Variants in BNC2 observed in about 807,000 individuals in gnomAD.
The protein encoded by BNC2 is zinc finger protein basonuclin-2.
BNC2 carries 20 observed loss-of-function variants against 76.3 expected under a neutral mutation model. The observed-to-expected ratio is 0.26, with a 90% CI of 0.18 to 0.38. The LOEUF (loss-of-function observed/expected upper bound fraction) is 0.38. Among genes scored for constraint, BNC2 ranks in the 10% least tolerant of loss-of-function variants. The pLI is 1.00. For missense variants in BNC2, 1,382 were observed against 1,399.8 expected (o/e 0.99, Z 0.20); for synonymous variants, 582 against 514.8 (o/e 1.13, Z -1.77).
At chr9:16,692,273 GC>G (rs1823196031) in intron 3 of BNC2, among the ~76,000 whole-genome samples, 1 of 152,138 alleles carries the variant, frequency 6.6e-6, no homozygotes, top group Non-Finnish European at 1.5e-5. Context: ...TTTCAAGTAT[GC>G]CACACCCAGG....
At chr9:16,659,028 T>G (rs899004179) in intron 3 of BNC2, among the ~76,000 whole-genome samples, 1 of 152,176 alleles carries the variant, frequency 6.6e-6, no homozygotes, top group African/African-American at 2.4e-5. Context: ...AAGCATGAAT[T>G]CATTTGAGAG....
At chr9:16,811,755 A>C (rs1293607378) in intron 1 of BNC2, among the ~76,000 whole-genome samples, 1 of 152,258 alleles carries the variant, frequency 6.6e-6, no homozygotes, top group African/African-American at 2.4e-5. Flanking sequence ...TGCCAAGACA[A>C]CACTAGTGTT....
chr9:16,603,406 A>T (rs1313472888), intron 3 of BNC2, among the ~76,000 whole-genome samples: 1 of 152,246 alleles, frequency 6.6e-6, no homozygotes, highest in East Asian at 1.9e-4. Context: ...TTTAATACAC[A>T]TTAACTGCTA....
chr9:16,702,091 A>T (rs1012271619), intron 3 of BNC2, among the ~76,000 whole-genome samples: 3 of 152,164 alleles, frequency 2.0e-5, no homozygotes, highest in Non-Finnish European at 4.4e-5. Context: ...GTCCTTAACT[A>T]CCCTTTAGGC....
At chr9:16,619,293 A>C (rs1820798289) in intron 3 of BNC2, among the ~76,000 whole-genome samples, 1 of 152,074 alleles carries the variant, frequency 6.6e-6, no homozygotes, top group Admixed American at 6.5e-5. Context: ...CAAACCCAAC[A>C]TAATGCTTTA....
intron 3 of BNC2, among the ~76,000 whole-genome samples, chr9:16,644,249 T>C (rs981129488): frequency 2.0e-5 from 3 of 152,216 alleles, no homozygotes; most frequent in Admixed American, 6.6e-5. Flanking sequence ...AATCTAGATA[T>C]CTAGAATAAC....
chr9:16,793,755 T>G (rs991042921), intron 1 of BNC2, among the ~76,000 whole-genome samples: 1 of 136,102 alleles, frequency 7.3e-6, no homozygotes, highest in Non-Finnish European at 1.5e-5. Context: ...AAGCTCCGCC[T>G]CCCGGGTTCA....
intron 1 of BNC2, among the ~76,000 whole-genome samples, chr9:16,846,928 T>C (rs771119529): frequency 4.7e-4 from 72 of 152,216 alleles, no homozygotes; most frequent in Non-Finnish European, 8.4e-4. Flanking sequence ...TATTAGTGTA[T>C]AATTACTGGT....
chr9:16,613,650 G>C (rs910280215), intron 3 of BNC2, among the ~76,000 whole-genome samples: 1 of 152,198 alleles, frequency 6.6e-6, no homozygotes, highest in African/African-American at 2.4e-5. Context: ...ACAGGTAAAT[G>C]TAAGGAGGAG....
chr9:16,419,787 A>T (rs1479729966), intron 6 of BNC2, 138 bp from the exon 7 acceptor site: 1 of 669,844 alleles, frequency 1.5e-6, no homozygotes, highest in East Asian at 2.8e-5. Flanking sequence ...CCATTATAAA[A>T]GCAAGCATTC....
At chr9:16,479,080 TG>T (rs1323813000) in intron 5 of BNC2, among the ~76,000 whole-genome samples, 2 of 151,992 alleles carry the variant, frequency 1.3e-5, no homozygotes, top group Non-Finnish European at 2.9e-5. Flanking sequence ...GGTGAAACCC[TG>T]TCTCTACCAA....
intron 3 of BNC2, among the ~76,000 whole-genome samples, chr9:16,663,784 T>C (rs1822184842): frequency 6.6e-6 from 1 of 152,166 alleles, no homozygotes; most frequent in Non-Finnish European, 1.5e-5. Flanking sequence ...ATTTCCTTAC[T>C]TAATAAGAAA....
At chr9:16,773,249 G>A (rs1046864722) in intron 1 of BNC2, among the ~76,000 whole-genome samples, 3 of 152,142 alleles carry the variant, frequency 2.0e-5, no homozygotes, top group African/African-American at 7.2e-5. Context: ...ATCATACAGT[G>A]AGTTGAATGT....
chr9:16,446,388 G>A (rs984916823), intron 5 of BNC2, among the ~76,000 whole-genome samples: 5 of 152,028 alleles, frequency 3.3e-5, no homozygotes, highest in African/African-American at 1.2e-4. Flanking sequence ...TTAGAAGGAA[G>A]AAGCAACATG....
chr9:16,655,296 A>G (rs900556485), intron 3 of BNC2, among the ~76,000 whole-genome samples: 21 of 152,196 alleles, frequency 1.4e-4, no homozygotes, highest in African/African-American at 4.8e-4. Flanking sequence ...AATAAAGATG[A>G]ATAAAAGCAA....
At chr9:16,701,338 T>C (rs1255097003) in intron 3 of BNC2, among the ~76,000 whole-genome samples, 1 of 152,198 alleles carries the variant, frequency 6.6e-6, no homozygotes, top group Non-Finnish European at 1.5e-5. Context: ...AGCAAGGGAT[T>C]TGGAATCAAC....
intron 5 of BNC2, among the ~76,000 whole-genome samples, chr9:16,542,510 A>G (rs1587149582): frequency 6.6e-6 from 1 of 152,226 alleles, no homozygotes; most frequent in African/African-American, 2.4e-5. Context: ...TTTCTAAAAC[A>G]ATTGTTCATG....
intron 3 of BNC2, among the ~76,000 whole-genome samples, chr9:16,717,558 T>C (rs182574473): frequency 1.3e-5 from 2 of 152,334 alleles, no homozygotes; most frequent in African/African-American, 4.8e-5. Context: ...GTTCACATCA[T>C]GGCAGCTGAC....
intron 3 of BNC2, among the ~76,000 whole-genome samples, chr9:16,703,924 T>C (rs1454020229): frequency 1.3e-5 from 2 of 152,132 alleles, no homozygotes; most frequent in African/African-American, 4.8e-5. Context: ...TACAAGTATA[T>C]ATGTATTATT....
Sources: gnomAD v4.1 joint callset for allele counts (sites outside exome capture counted in the v4.1 genomes callset) on GRCh38, gnomAD v4.1.1 for gene constraint, MANE v1.5 for transcripts, NCBI Gene and HGNC (gene_info 2026-07-23, HGNC 2026-07-21) for gene names.